CCDC28B: variants seen among roughly 807,000 people sequenced by gnomAD.
CCDC28B encodes the protein coiled-coil domain containing 28B, also known as coiled-coil domain-containing protein 28B.
A neutral mutation model predicts 18.7 loss-of-function variants in CCDC28B; 17 were observed. The ratio of observed to expected loss-of-function variants is 0.91; its 90% CI spans 0.62 to 1.36. The LOEUF (loss-of-function observed/expected upper bound fraction) is 1.36, where lower values mean the gene tolerates loss of function less well. Ranked by LOEUF, CCDC28B falls within the 40% of genes most tolerant of loss-of-function variation. The probability of loss-of-function intolerance (pLI) is 0.00; values close to 1 mark genes in which losing one functional copy is unlikely to be tolerated. For synonymous variants in CCDC28B, 116 were observed against 105.1 expected (o/e 1.10, Z -0.64); for missense variants, 213 against 251.7 (o/e 0.85, Z 1.04).
At chr1:32,202,523 A>G (rs1643168742) in intron 2 of CCDC28B, 2 of 358,922 alleles carry the variant, frequency 5.6e-6, no homozygotes, top group South Asian at 2.1e-5. Flanking sequence ...AATTTTTTTT[A>G]TGATTGGGAG....
At chr1:32,202,239 C>A in intron 2 of CCDC28B, 140 bp downstream of exon 2, 1 of 1,097,510 alleles carries the variant, frequency 9.1e-7, no homozygotes, top group Non-Finnish European at 1.3e-6. Context: ...GAACTCAGAG[C>A]TCACTCAGAC....
At chr1:32,203,503 G>A (rs1354426161) in intron 2 of CCDC28B, among the ~76,000 whole-genome samples, 4 of 152,084 alleles carry the variant, frequency 2.6e-5, no homozygotes, top group Admixed American at 2.6e-4. Context: ...TTTGGGAGGA[G>A]GTAAGACAGC....
chr1:32,204,431 G>C, intron 4 of CCDC28B, 52 bp downstream of exon 4: 1 of 1,529,804 alleles, frequency 6.5e-7, no homozygotes, highest in Admixed American at 2.1e-5. Flanking sequence ...GGGTGGAGAA[G>C]GTACATACTC....
chr1:32,204,048 G>A lies in CCDC28B; in HGVS notation c.331+3G>A. The A allele has an allele frequency of 6.4e-7, 1 of 1,551,566 alleles. No individual in the cohort carries two copies. Among genetic ancestry groups the A allele is most frequent in the Non-Finnish European group, 8.7e-7 (1 of 1,148,138 alleles). On this transcript the variant is annotated splice_donor_region_variant and intron_variant, in intron 3 of 5. Coordinates refer to ENST00000373602, the MANE Select transcript of CCDC28B (RefSeq NM_024296.5). ...CTCTGGCCGGCTGCAGGCCTTCGGT[G>A]AGTCCTGGGGGCTGGTTTCAGCGGG...
upstream of CCDC28B, among the ~76,000 whole-genome samples, chr1:32,199,892 A>G (rs901710892): frequency 1.3e-5 from 2 of 152,146 alleles, no homozygotes; most frequent in African/African-American, 4.8e-5. Context: ...GCCCCCATTG[A>G]TCTGGCTGCA....
rs1349760997 is a variant in CCDC28B, at chr1:32,205,238, C to G, written c.593C>G (p.Ser198Cys). The G allele has an allele frequency of 1.9e-6, 3 of 1,613,522 alleles. No individual in the cohort carries two copies. The South Asian group carries it at 3.3e-5, about 18-fold the overall frequency. Residue 198 changes from serine to cysteine, a missense_variant, in exon 6 of 6, where the codon TCC (serine) becomes TGC (cysteine). By Grantham distance (112) the Ser-to-Cys change is moderately radical. Transcript: ENST00000373602. The surrounding 1 kb of genome is among the most constrained non-coding windows in gnomAD (Gnocchi z 5.6). ...LAENAEPEEQ[S>C]AA is the part of the protein sequence containing the mutation. ...GAGAACGCCGAGCCTGAGGAGCAGT[C>G]CGCTGCGTAGGCGTCCCACGCAGGC... is the stretch of plus-strand genomic sequence containing the variant.
At chr1:32,199,188 C>T (rs1275655728), upstream of CCDC28B, among the ~76,000 whole-genome samples, 16 of 152,300 alleles carry the variant, frequency 1.1e-4, no homozygotes, top group East Asian at 2.9e-3. Flanking sequence ...ATGATATGTG[C>T]TGAATGCCCA....
At chr1:32,200,811 T>C (rs910368447) in intron 1 of CCDC28B, 102 bp downstream of exon 1, 2 of 152,164 alleles carry the variant, frequency 1.3e-5, no homozygotes, top group East Asian at 3.9e-4. Context: ...GTTTGGCACA[T>C]GGCTTTGGAG....
intron 2 of CCDC28B, 60 bp downstream of exon 2, chr1:32,202,159 G>A: frequency 6.2e-7 from 1 of 1,601,976 alleles, no homozygotes; most frequent in South Asian, 1.1e-5. Context: ...ACTGTAGAGA[G>A]GAAGGCAAGG....
upstream of CCDC28B, chr1:32,196,329 T>G (rs1643024110): frequency 6.6e-6 from 1 of 152,626 alleles, no homozygotes. Context: ...TGGGTTTTTC[T>G]GCTTCCTGCC....
At position 32,203,993 on chromosome 1, in the gene CCDC28B, G is replaced by A. The variant is rs1290439397; in HGVS notation, c.279G>A (p.Gly93=). The A allele has an allele frequency of 4.4e-6, 7 of 1,575,794 alleles. No homozygotes were observed. Among genetic ancestry groups the A allele is most frequent in the Admixed American group, 1.8e-5 (1 of 54,216 alleles). ...TEVTDVYEME[G]GLLNLLNDFH... ...TGACTGATGTCTATGAGATGGAGGGGGGACTCCTGAACCTGCTCAATGATT... is the reference window on the plus strand; with the variant it reads ...TGACTGATGTCTATGAGATGGAGGGAGGACTCCTGAACCTGCTCAATGATT... Residue 93 remains glycine, a synonymous_variant, in exon 3 of 6, where the codon GGG becomes GGA. Coordinates refer to ENST00000373602, the MANE Select transcript of CCDC28B (RefSeq NM_024296.5).
chr1:32,205,200 G>A lies in CCDC28B; in HGVS notation c.555G>A (p.Lys185=), dbSNP rs1643286293. Residue 185 remains lysine, a synonymous_variant, in exon 6 of 6, where the codon AAG becomes AAA. Coordinates refer to ENST00000373602, the MANE Select transcript of CCDC28B (RefSeq NM_024296.5). The surrounding 1 kb of genome is among the most constrained non-coding windows in gnomAD (Gnocchi z 5.6). ...CGATCCTTGACGGGCACAGCCAGAA[G>A]CTGCACCTGGCCGAGAACGCCGAGC... The part of the protein sequence containing the change: ...NLEDLSNSIQ[K]LHLAENAEPE... 1.2e-6 allele frequency: 2 copies of A among 1,613,984 alleles called. No homozygotes were observed. The highest frequency in any genetic ancestry group is 3.3e-5 in the Admixed American group (2 of 60,000).
rs749470747 is a variant in CCDC28B, at chr1:32,203,991, G to C, written c.277G>C (p.Gly93Arg). The change falls in exon 3 of 6, where the codon GGG (glycine) becomes CGG (arginine). Residue 93 changes from glycine to arginine, a missense_variant. Transcript: ENST00000373602. ...GGTGACTGATGTCTATGAGATGGAG[G>C]GGGGACTCCTGAACCTGCTCAATGA... The part of the protein sequence containing the change: ...TEVTDVYEME[G>R]GLLNLLNDFH... The C allele has an allele frequency of 2.5e-6, 4 of 1,576,872 alleles. No individual in the cohort carries two copies. The highest frequency in any genetic ancestry group is 8.6e-7 in the Non-Finnish European group (1 of 1,161,830).
At position 32,201,993 on chromosome 1, in the gene CCDC28B, G is replaced by A; in HGVS notation, c.58G>A (p.Ala20Thr). 6.2e-7 allele frequency: 1 copy of A among 1,613,830 alleles called. No individual in the cohort carries two copies. The highest frequency in any genetic ancestry group is 8.5e-7 in the Non-Finnish European group (1 of 1,179,888). Residue 20 changes from alanine to threonine, a missense_variant, in exon 2 of 6, where the codon GCC becomes ACC. Coordinates refer to ENST00000373602, the MANE Select transcript of CCDC28B (RefSeq NM_024296.5). ...PKPCLAQPAQAPGTLRRVPVP... is the reference protein window; with the variant it reads ...PKPCLAQPAQTPGTLRRVPVP... ...GCCCTGCCTGGCCCAGCCAGCCCAG[G>A]CCCCAGGCACACTACGGAGGGTCCC...
rs545574021 is a variant in CCDC28B at position 32,203,541 on chromosome 1, T to C, written c.165-338T>C. 2.6e-5 allele frequency among the ~76,000 whole-genome samples: 4 copies of C among 152,224 alleles called. No individual in the cohort carries two copies. In the South Asian group the frequency reaches 8.3e-4, roughly 32 times the overall value. On this transcript the variant is annotated intron_variant, in intron 2 of 5. Coordinates refer to ENST00000373602, the MANE Select transcript of CCDC28B (RefSeq NM_024296.5). ...TGGTGGCAATAAGGGAGTAGCTGTC[T>C]CTATATACGCTGAAGACTAGGGAGG... is the stretch of plus-strand genomic sequence containing the variant.
Position 32,203,834 on chromosome 1 carries a change from G to C in CCDC28B, c.165-45G>C, listed in dbSNP as rs771285741. ...TGGCACAAAAGATCGGGAGGTGCCT[G>C]ACTGCCCCCTACCCTGTGATCATGG... On this transcript the variant is annotated intron_variant, in intron 2 of 5. Coordinates refer to ENST00000373602, the MANE Select transcript of CCDC28B (RefSeq NM_024296.5). 3 of 1,454,360 alleles carry C rather than the reference G, an allele frequency of 2.1e-6. No homozygotes were observed. The African/African-American group carries it at 4.3e-5, about 21-fold the overall frequency. The allele number at this position is 1,454,360 out of a possible 1,614,324, so 90.1% of individuals were successfully genotyped here.
At position 32,203,909 on chromosome 1, in the gene CCDC28B, G is replaced by A; in HGVS notation, c.195G>A (p.Leu65=). The change falls in exon 3 of 6, where the codon CTG becomes CTA. Residue 65 remains leucine (L), a synonymous_variant. Transcript: ENST00000373602. ...GCAAAGAGAAGTGCCGCCCAGTCCT[G>A]GCTGGAGGTGGAAGCGGCTCTGCAG... ...RVGKEKCRPV[L]AGGGSGSAGT... 1 of 1,531,748 alleles carries A rather than the reference G, an allele frequency of 6.5e-7. No individual in the cohort carries two copies. The highest frequency in any genetic ancestry group is 2.3e-5 in the East Asian group (1 of 43,488). The allele number at this position is 1,531,748 out of a possible 1,614,324, so 94.9% of individuals were successfully genotyped here.
chr1:32,204,209 C>T lies in CCDC28B; in HGVS notation c.355C>T (p.Leu119=), dbSNP rs767430968. Residue 119 remains leucine (L), a synonymous_variant, in exon 4 of 6, where the codon CTG becomes TTG. Transcript: ENST00000373602. ...AGGGAAGGAATGCTCCTTTGAGCAG[C>T]TGGAGCACGTTCGGGAGATGCAGGA... ...AFGKECSFEQ[L]EHVREMQEKL... 3 of 1,614,152 alleles carry T rather than the reference C, an allele frequency of 1.9e-6. No individual in the cohort carries two copies. In the South Asian group the frequency reaches 3.3e-5, roughly 18 times the overall value.
At position 32,205,085 on chromosome 1, in the gene CCDC28B, C is replaced by A. The variant is rs143115907; in HGVS notation, c.549-109C>A. On this transcript the variant is annotated intron_variant, in intron 5 of 5. Coordinates refer to ENST00000373602, the MANE Select transcript of CCDC28B (RefSeq NM_024296.5). The surrounding 1 kb of genome is among the most constrained non-coding windows in gnomAD (Gnocchi z 5.6). ...CCTCAGTCCACAGACGGCCCGAGAC[C>A]CTCGTCCCCGGCCCTTTGCACAGGT... 2,218 of 1,386,338 alleles carry A rather than the reference C, an allele frequency of 1.6e-3. 36 individuals are homozygous for A. In the African/African-American group the frequency reaches 0.028, roughly 17 times the overall value. 85.9% of individuals were successfully genotyped at this position (1,386,338 alleles called of 1,614,324 possible). A position where few individuals can be genotyped will look rare whatever the true frequency, so the allele number is the denominator to read the frequency against.
Sources: gnomAD v4.1 joint callset for allele counts (sites outside exome capture counted in the v4.1 genomes callset) on GRCh38, gnomAD v4.1.1 for gene constraint, Gnocchi (gnomAD v3.1) non-coding constraint, MANE v1.5 for transcripts, NCBI Gene and HGNC (gene_info 2026-07-23, HGNC 2026-07-21) for gene names.